The following GRM7 variants were observed in gnomAD, a reference collection of about 807,000 sequenced individuals.
GRM7 encodes metabotropic glutamate receptor 7.
GRM7 carries 35 observed loss-of-function variants against 84.5 expected under a neutral mutation model. That is an observed-to-expected ratio of 0.41 (90% confidence interval 0.32 to 0.55). The LOEUF (loss-of-function observed/expected upper bound fraction) is 0.55. Among genes scored for constraint, GRM7 ranks in the 20% least tolerant of loss-of-function variants. The pLI is 0.19. For synonymous variants in GRM7, 487 were observed against 455.1 expected (o/e 1.07, Z -0.89); for missense variants, 1,003 against 1,194.6 (o/e 0.84, Z 2.36).
At chr3:7,498,845 C>T (rs1180095072) in intron 7 of GRM7, among the ~76,000 whole-genome samples, 1 of 152,170 alleles carries the variant, frequency 6.6e-6, no homozygotes, top group Non-Finnish European at 1.5e-5. Flanking sequence ...GCGGATGAGG[C>T]CAGAGCCCTC....
chr3:7,330,551 T>C (rs1701164837), intron 4 of GRM7, among the ~76,000 whole-genome samples: 1 of 152,144 alleles, frequency 6.6e-6, no homozygotes, highest in South Asian at 2.1e-4. Context: ...GATCATTGAA[T>C]CATGGAGTTG....
intron 1 of GRM7, among the ~76,000 whole-genome samples, chr3:7,135,540 G>A (rs771307302): frequency 2.6e-5 from 4 of 152,068 alleles, no homozygotes; most frequent in African/African-American, 7.2e-5. Context: ...TTGCAGTTTT[G>A]TACTGCCCAC....
chr3:7,016,832 A>G (rs1056108962), intron 1 of GRM7, among the ~76,000 whole-genome samples: 13 of 152,210 alleles, frequency 8.5e-5, no homozygotes, highest in African/African-American at 2.7e-4. Context: ...TAAGGAGATT[A>G]AGTAACTTGC....
At chr3:6,963,493 G>T (rs567757729) in intron 1 of GRM7, among the ~76,000 whole-genome samples, 1 of 152,274 alleles carries the variant, frequency 6.6e-6, no homozygotes, top group South Asian at 2.1e-4. Flanking sequence ...GGGCATGGCG[G>T]TGCAATCTGT....
intron 7 of GRM7, among the ~76,000 whole-genome samples, chr3:7,465,557 C>T (rs1302436454): frequency 6.6e-6 from 1 of 152,156 alleles, no homozygotes; most frequent in Non-Finnish European, 1.5e-5. Flanking sequence ...CTTGAAGTTC[C>T]TTTTGCTGTA....
chr3:7,048,739 C>T (rs912853821), intron 1 of GRM7, among the ~76,000 whole-genome samples: 7 of 151,842 alleles, frequency 4.6e-5, no homozygotes, highest in African/African-American at 9.7e-5. Context: ...GTGGTACGAA[C>T]ACTTAAAGTC....
Position 7,173,384 on chromosome 3 carries a change from C to T in GRM7, c.736+26716C>T, listed in dbSNP as rs9828618. ...AACTTACCAACTGCTCTCCCCACCC[C>T]TCTCCGGCTCCACCCCATCCCTCTT... is the stretch of plus-strand genomic sequence containing the variant. On this transcript the variant is annotated intron_variant, in intron 2 of 9. Transcript: ENST00000357716. 2.8e-3 allele frequency among the ~76,000 whole-genome samples: 424 copies of T among 152,296 alleles called. 2 individuals are homozygous for T. Among genetic ancestry groups the T allele is most frequent in the African/African-American group, 9.3e-3 (385 of 41,562 alleles).
chr3:7,258,539 T>A (rs953582010), intron 2 of GRM7, among the ~76,000 whole-genome samples: 2 of 152,184 alleles, frequency 1.3e-5, no homozygotes, highest in Non-Finnish European at 2.9e-5. Flanking sequence ...AATGGTTTCA[T>A]TGGGGTTAAA....
At chr3:6,948,669 A>T (rs928891617) in intron 1 of GRM7, among the ~76,000 whole-genome samples, 6 of 152,110 alleles carry the variant, frequency 3.9e-5, no homozygotes, top group African/African-American at 1.4e-4. Context: ...AAAGTCTCCC[A>T]TTATTATTGT....
intron 8 of GRM7, among the ~76,000 whole-genome samples, chr3:7,581,357 C>T (rs1695240881): frequency 6.6e-6 from 1 of 152,044 alleles, no homozygotes; most frequent in African/African-American, 2.4e-5. Flanking sequence ...TTTTAGAAGG[C>T]ACGTAATTTT....
intron 9 of GRM7, among the ~76,000 whole-genome samples, chr3:7,736,422 A>C: frequency 6.6e-6 from 1 of 152,190 alleles, no homozygotes; most frequent in East Asian, 1.9e-4. Context: ...GAGTTACAGA[A>C]AATCTGTTAT....
chr3:7,571,210 C>T (rs940213155), intron 7 of GRM7, among the ~76,000 whole-genome samples: 2 of 152,120 alleles, frequency 1.3e-5, no homozygotes, highest in African/African-American at 4.8e-5. Context: ...ACATTTGGCT[C>T]CTCATTACTT....
chr3:7,435,859 T>C (rs1302235388), intron 5 of GRM7, among the ~76,000 whole-genome samples: 1 of 142,046 alleles, frequency 7.0e-6, no homozygotes, highest in African/African-American at 2.7e-5. Context: ...ATCTTTTTTT[T>C]TTTTTTTTTT....
intron 1 of GRM7, chr3:6,884,173 T>C (rs1695610441): frequency 6.6e-6 from 1 of 152,636 alleles, no homozygotes; most frequent in Non-Finnish European, 1.5e-5. Flanking sequence ...TGAAATTATA[T>C]CAATTTGTCA....
chr3:7,607,070 C>G (rs770631634), intron 8 of GRM7: 2 of 152,128 alleles, frequency 1.3e-5, no homozygotes, highest in Non-Finnish European at 2.9e-5. Context: ...ATTATAAAAA[C>G]CAAGGCAGAT....
At chr3:6,890,589 C>T (rs1695893847) in intron 1 of GRM7, among the ~76,000 whole-genome samples, 2 of 152,150 alleles carry the variant, frequency 1.3e-5, no homozygotes, top group Non-Finnish European at 2.9e-5. Flanking sequence ...GCACTGTGGT[C>T]TGAGAGACAG....
intron 4 of GRM7, among the ~76,000 whole-genome samples, chr3:7,312,292 G>A (rs1158782218): frequency 1.3e-5 from 2 of 152,126 alleles, no homozygotes; most frequent in Non-Finnish European, 2.9e-5. Flanking sequence ...GGGGCTTCCA[G>A]GGTCAGTAGA....
chr3:7,698,534 C>G (rs1389213561), intron 9 of GRM7, among the ~76,000 whole-genome samples: 1 of 152,206 alleles, frequency 6.6e-6, no homozygotes, highest in African/African-American at 2.4e-5. Context: ...AGATCATGCT[C>G]TAACCAATGG....
At chr3:7,054,995 G>T (rs538659421) in intron 1 of GRM7, among the ~76,000 whole-genome samples, 1 of 152,126 alleles carries the variant, frequency 6.6e-6, no homozygotes, top group East Asian at 1.9e-4. Context: ...GTATGTTCCA[G>T]TTTTCCCGTT....
Sources: allele counts gnomAD v4.1 joint callset (sites outside exome capture counted in the v4.1 genomes callset), GRCh38; gene constraint gnomAD v4.1.1; transcripts MANE v1.5; gene names NCBI Gene and HGNC (gene_info 2026-07-23, HGNC 2026-07-21).